The following VIP variants were observed in gnomAD, a reference collection of about 807,000 sequenced individuals.
VIP encodes vasoactive intestinal peptide.
VIP carries 18 observed loss-of-function variants against 20.1 expected under a neutral mutation model. The ratio of observed to expected loss-of-function variants is 0.90; its 90% CI spans 0.62 to 1.33. VIP has a LOEUF of 1.33. Ranked by LOEUF, VIP falls within the 40% of genes most tolerant of loss-of-function variation. VIP has a pLI of 0.00. For missense variants in VIP, 209 were observed against 199.4 expected (o/e 1.05, Z -0.29); for synonymous variants, 70 against 68.1 (o/e 1.03, Z -0.14).
chr6:152,752,349 C>A, intron 2 of VIP, 65 bp downstream of exon 2: 1 of 1,384,464 alleles, frequency 7.2e-7, no homozygotes, highest in African/African-American at 1.4e-5. Flanking sequence ...ATTTCCTATA[C>A]ATTTTGTTGG....
intron 6 of VIP, among the ~76,000 whole-genome samples, chr6:152,758,464 A>G (rs1283257504): frequency 6.6e-6 from 1 of 152,058 alleles, no homozygotes; most frequent in African/African-American, 2.4e-5. Flanking sequence ...AGCTTTTCTA[A>G]GAGTGTTTAT....
intron 6 of VIP, among the ~76,000 whole-genome samples, chr6:152,758,355 A>G (rs78206567): frequency 0.036 from 5,426 of 152,036 alleles, 333 homozygotes; most frequent in African/African-American, 0.12. Context: ...CTCTAAGAGA[A>G]AGCAGAGGCA....
At chr6:152,754,355 C>A in intron 3 of VIP, 67 bp downstream of exon 3, 1 of 1,453,192 alleles carries the variant, frequency 6.9e-7, no homozygotes, top group Non-Finnish European at 9.3e-7. Flanking sequence ...GAACTATAAA[C>A]GTGCTTATTT....
intron 6 of VIP, among the ~76,000 whole-genome samples, chr6:152,758,513 A>G (rs1183630329): frequency 6.6e-6 from 1 of 152,058 alleles, no homozygotes; most frequent in East Asian, 1.9e-4. Flanking sequence ...CACGGTAGGC[A>G]CTAAAATATA....
chr6:152,755,139 CT>C, intron 3 of VIP, 129 bp from the exon 4 acceptor site: 1 of 534,074 alleles, frequency 1.9e-6, no homozygotes, highest in Non-Finnish European at 3.2e-6. Flanking sequence ...AAGAAATCTC[CT>C]TTTGAACTTT....
rs999835010 is a variant in VIP, at chr6:152,750,880, T to C, written c.-90T>C. ...GCAGAGAACTGGTGGAGCCTTTCTCTTACTCCCAGGACTTCAGCACCTAAG... is the reference window on the plus strand; with the variant it reads ...GCAGAGAACTGGTGGAGCCTTTCTCCTACTCCCAGGACTTCAGCACCTAAG... On this transcript the variant is annotated 5_prime_UTR_variant, in exon 1 of 7. Transcript: ENST00000367244. 6.6e-6 allele frequency: 1 copy of C among 152,190 alleles called. No homozygotes were observed. Among genetic ancestry groups the C allele is most frequent in the Non-Finnish European group, 1.5e-5 (1 of 68,072 alleles). The allele number at this position is 152,190 out of a possible 1,614,324, so 9.4% of individuals were successfully genotyped here.
intron 4 of VIP, among the ~76,000 whole-genome samples, chr6:152,755,900 C>T (rs2099730359): frequency 6.6e-6 from 1 of 151,702 alleles, no homozygotes; most frequent in Non-Finnish European, 1.5e-5. Flanking sequence ...GAATTATTTG[C>T]TCAGCTGTAC....
chr6:152,755,108 G>A (rs1025077911), intron 3 of VIP, among the ~76,000 whole-genome samples, 161 bp from the exon 4 acceptor site: 1 of 151,836 alleles, frequency 6.6e-6, no homozygotes, highest in Non-Finnish European at 1.5e-5. Flanking sequence ...GTGACTAGAA[G>A]ATCTCTTTTG....
At chr6:152,751,435 A>G (rs2099729615) in intron 1 of VIP, among the ~76,000 whole-genome samples, 1 of 152,124 alleles carries the variant, frequency 6.6e-6, no homozygotes, top group Non-Finnish European at 1.5e-5. Context: ...CTAGGCTTTT[A>G]ATCTAGAAAC....
At chr6:152,756,477 C>T (rs531627062) in intron 5 of VIP, among the ~76,000 whole-genome samples, 17 of 151,974 alleles carry the variant, frequency 1.1e-4, no homozygotes, top group Non-Finnish European at 7.4e-5. Context: ...TCGGTGTCTT[C>T]GGTGGTGTGG....
intron 3 of VIP, among the ~76,000 whole-genome samples, chr6:152,754,767 A>T (rs1319952767): frequency 2.0e-5 from 3 of 151,936 alleles, no homozygotes; most frequent in Non-Finnish European, 4.4e-5. Flanking sequence ...AAAAGGTGGG[A>T]TGATAGGCCT....
At chr6:152,751,806 A>G (rs1272249199) in intron 1 of VIP, among the ~76,000 whole-genome samples, 2 of 152,170 alleles carry the variant, frequency 1.3e-5, no homozygotes, top group Admixed American at 6.6e-5. Flanking sequence ...AAGAAAATCA[A>G]TGTCTTGAAG....
Position 152,755,235 on chromosome 6 carries a change from A to T in VIP, c.231-34A>T, listed in dbSNP as rs376960228. The T allele has an allele frequency of 8.8e-5, 125 of 1,422,452 alleles. No homozygotes were observed. The African/African-American group carries it at 1.8e-3, about 20-fold the overall frequency. The allele number at this position is 1,422,452 out of a possible 1,614,324, so 88.1% of individuals were successfully genotyped here. A position where few individuals can be genotyped will look rare whatever the true frequency, so the allele number is the denominator to read the frequency against. On this transcript the variant is annotated intron_variant, in intron 3 of 6. Coordinates refer to ENST00000367244, the MANE Select transcript of VIP (RefSeq NM_003381.4). ...AATAATATTCTAGAAAGCCATTTAC[A>T]AAATAATAGCTATTTTTTTCTTCCT...
intron 5 of VIP, 150 bp downstream of exon 5, chr6:152,756,415 A>G: frequency 1.1e-6 from 1 of 911,748 alleles, no homozygotes; most frequent in Non-Finnish European, 1.6e-6. Flanking sequence ...TACCCCGCAG[A>G]ACTTTAAAAA....
chr6:152,753,536 AAAG>A (rs1433176026), intron 2 of VIP, among the ~76,000 whole-genome samples: 1 of 152,112 alleles, frequency 6.6e-6, no homozygotes, highest in African/African-American at 2.4e-5. Flanking sequence ...AGATTAGAAA[AAAG>A]AAGGCCCCAT....
At chr6:152,752,360 A>C in intron 2 of VIP, 76 bp downstream of exon 2, 4 of 1,222,938 alleles carry the variant, frequency 3.3e-6, no homozygotes, top group South Asian at 1.3e-5. Context: ...ATTTTGTTGG[A>C]CAACTAAATA....
At chr6:152,754,814 A>C (rs2099730170) in intron 3 of VIP, among the ~76,000 whole-genome samples, 1 of 151,886 alleles carries the variant, frequency 6.6e-6, no homozygotes, top group Non-Finnish European at 1.5e-5. Context: ...TTGTTTCCAA[A>C]TATTTTGGAA....
chr6:152,757,034 G>A, intron 5 of VIP, 62 bp from the exon 6 acceptor site: 1 of 1,526,206 alleles, frequency 6.6e-7, no homozygotes, highest in Non-Finnish European at 9.0e-7. Context: ...TGTCATAATA[G>A]TTTCTTTAGA....
At position 152,758,945 on chromosome 6, in the gene VIP, A is replaced by G. The variant is rs1311626467; in HGVS notation, c.*79A>G. On this transcript the variant is annotated 3_prime_UTR_variant, in exon 7 of 7. Transcript: ENST00000367244. ...GGAAAATGATACGCAACATAATTAA[A>G]TTTTGAGTTCTACATAAGTAATTCA... 2.0e-5 allele frequency: 3 copies of G among 152,414 alleles called. No homozygotes were observed. The highest frequency in any genetic ancestry group is 7.2e-5 in the African/African-American group (3 of 41,448). 9.4% of individuals were successfully genotyped at this position (152,414 alleles called of 1,614,324 possible). A position where few individuals can be genotyped will look rare whatever the true frequency, so the allele number is the denominator to read the frequency against.
Sources: allele counts gnomAD v4.1 joint callset (sites outside exome capture counted in the v4.1 genomes callset), GRCh38; gene constraint gnomAD v4.1.1; transcripts MANE v1.5; gene names NCBI Gene and HGNC (gene_info 2026-07-23, HGNC 2026-07-21).